NXPE4: variants seen among roughly 807,000 people sequenced by gnomAD.
The protein encoded by NXPE4 is NXPE family member 4.
A neutral mutation model predicts 33.3 loss-of-function variants in NXPE4; 42 were observed. The ratio of observed to expected loss-of-function variants is 1.26; its 90% CI spans 0.98 to 1.63. NXPE4 has a LOEUF of 1.63. NXPE4 is among the 40% of genes most tolerant of loss of function. The pLI is 0.00. For synonymous variants in NXPE4, 253 were observed against 234.9 expected, an observed-to-expected ratio of 1.08 and a Z score of -0.71; for missense variants, 709 against 647.6, an observed-to-expected ratio of 1.09 and a Z score of -1.03.
chr11:114,670,811 A>C, the NXPE4 span, among the ~76,000 whole-genome samples: 3 of 151,898 alleles, frequency 2.0e-5, no homozygotes, highest in Non-Finnish European at 4.4e-5. Context: ...TTTCAACAAA[A>C]ATTATAAGAC....
chr11:114,651,841 A>C, the NXPE4 span, among the ~76,000 whole-genome samples: 2 of 152,128 alleles, frequency 1.3e-5, no homozygotes, highest in African/African-American at 4.8e-5. Flanking sequence ...GCTAGACAGA[A>C]AAGTTCTCCA....
chr11:114,590,016 C>T (rs1249121645), intron 2 of NXPE4, among the ~76,000 whole-genome samples: 2 of 152,242 alleles, frequency 1.3e-5, no homozygotes, highest in African/African-American at 4.8e-5. Flanking sequence ...TACATCCTGA[C>T]TCTCAATACC....
At chr11:114,657,974 C>G in the NXPE4 span, among the ~76,000 whole-genome samples, 24,787 of 152,104 alleles carry the variant, frequency 0.16, 2,510 homozygotes, top group East Asian at 0.38. Flanking sequence ...TTTATTGAAC[C>G]AACTAACTTA....
At chr11:114,615,826 G>T in the NXPE4 span, among the ~76,000 whole-genome samples, 1 of 151,622 alleles carries the variant, frequency 6.6e-6, no homozygotes, top group African/African-American at 2.4e-5. Context: ...GGTAACCACT[G>T]TTACCCTGTG....
chr11:114,608,929 G>T, the NXPE4 span, among the ~76,000 whole-genome samples: 1 of 151,580 alleles, frequency 6.6e-6, no homozygotes, highest in African/African-American at 2.4e-5. Flanking sequence ...GATAAGTACT[G>T]CCTCGTGGGT....
chr11:114,573,731 C>CA (rs916989779), intron 5 of NXPE4, among the ~76,000 whole-genome samples: 29 of 151,084 alleles, frequency 1.9e-4, no homozygotes, highest in Admixed American at 9.9e-4. Context: ...ACTAATAGAC[C>CA]AAAAAAAATG....
At chr11:114,606,466 C>T in the NXPE4 span, among the ~76,000 whole-genome samples, 1 of 151,584 alleles carries the variant, frequency 6.6e-6, no homozygotes, top group Non-Finnish European at 1.5e-5. Flanking sequence ...TGTGTTGCCT[C>T]TAGGGTAACC....
chr11:114,664,202 C>T, the NXPE4 span, among the ~76,000 whole-genome samples: 2 of 152,074 alleles, frequency 1.3e-5, no homozygotes, highest in Non-Finnish European at 2.9e-5. Context: ...ATGAGATACA[C>T]AAGTACTATA....
chr11:114,611,193 G>T, the NXPE4 span, among the ~76,000 whole-genome samples: 1 of 151,262 alleles, frequency 6.6e-6, no homozygotes, highest in South Asian at 2.1e-4. Context: ...ACTGCTACCC[G>T]CTGGATAATA....
chr11:114,603,003 CAT>C, the NXPE4 span, among the ~76,000 whole-genome samples: 1 of 150,582 alleles, frequency 6.6e-6, no homozygotes, highest in African/African-American at 2.4e-5. Context: ...ATTACAGAAT[CAT>C]ATATAATAAT....
chr11:114,571,221 G>T lies in NXPE4; in HGVS notation c.1352C>A (p.Ala451Asp), dbSNP rs10891705. ...CTGAATGGCTTTGTGGACATTGAGGGCCCTTCGGATAAAAACATCAATGGG... is the reference window on the plus strand; with the variant it reads ...CTGAATGGCTTTGTGGACATTGAGGTCCCTTCGGATAAAAACATCAATGGG... Reference protein sequence around the residue: ...PFPIDVFIRRALNVHKAIQHL... With the variant: ...PFPIDVFIRRDLNVHKAIQHL... The change falls in exon 6 of 6, where the codon GCC becomes GAC. Residue 451 changes from alanine (A) to aspartate (D), a missense_variant. Physicochemically the swap from Ala to Asp is moderately radical, Grantham distance 126. Transcript: ENST00000375478. 6.2e-7 allele frequency: 1 copy of T among 1,613,436 alleles called. No homozygotes were observed. The highest frequency in any genetic ancestry group is 1.7e-5 in the Admixed American group (1 of 59,952).
intron 5 of NXPE4, among the ~76,000 whole-genome samples, chr11:114,573,903 A>G (rs1591326344): frequency 6.6e-6 from 1 of 152,176 alleles, no homozygotes; most frequent in African/African-American, 2.4e-5. Flanking sequence ...AAAGTGAAGA[A>G]TATACATTCT....
the NXPE4 span, among the ~76,000 whole-genome samples, chr11:114,612,839 T>A: frequency 6.6e-6 from 1 of 151,844 alleles, no homozygotes. Flanking sequence ...GGATAGTAAG[T>A]ATTGCCTTGT....
At chr11:114,613,393 C>T in the NXPE4 span, among the ~76,000 whole-genome samples, 1 of 151,072 alleles carries the variant, frequency 6.6e-6, no homozygotes, top group Admixed American at 6.6e-5. Context: ...AGTGTTGCCT[C>T]GTGGGTGGGT....
the NXPE4 span, among the ~76,000 whole-genome samples, chr11:114,631,515 G>T: frequency 1.7e-5 from 2 of 116,552 alleles, no homozygotes; most frequent in African/African-American, 6.6e-5. Flanking sequence ...ACACTCTGGG[G>T]ACTGTTGTGG....
chr11:114,577,039 ATAAAGTTATATATATAT>A (rs1565329220), intron 5 of NXPE4, among the ~76,000 whole-genome samples: 174 of 32,514 alleles, frequency 5.4e-3, no homozygotes, highest in Admixed American at 0.023. Flanking sequence ...ATATATATAT[ATAAAGTTATATATATAT>A]ACATATATAT....
intron 5 of NXPE4, among the ~76,000 whole-genome samples, chr11:114,572,099 G>C (rs944505442): frequency 6.6e-6 from 1 of 152,134 alleles, no homozygotes; most frequent in Non-Finnish European, 1.5e-5. Context: ...ACACTCTCCA[G>C]TACCAGCCCA....
chr11:114,611,098 C>T, the NXPE4 span, among the ~76,000 whole-genome samples: 5 of 151,740 alleles, frequency 3.3e-5, no homozygotes, highest in African/African-American at 9.7e-5. Flanking sequence ...AGTGTTGCCT[C>T]GTGGGAAACC....
At chr11:114,613,356 A>T in the NXPE4 span, among the ~76,000 whole-genome samples, 1 of 151,380 alleles carries the variant, frequency 6.6e-6, no homozygotes, top group South Asian at 2.1e-4. Context: ...TGCCTCGTGG[A>T]TAACCACGGT....
Sources: allele counts gnomAD v4.1 joint callset (sites outside exome capture counted in the v4.1 genomes callset), GRCh38; gene constraint gnomAD v4.1.1; transcripts MANE v1.5; gene names NCBI Gene and HGNC (gene_info 2026-07-23, HGNC 2026-07-21).